CNTNAP3: variants seen among roughly 807,000 people sequenced by gnomAD.
The protein encoded by CNTNAP3 is contactin associated protein family member 3.
Under a neutral mutation model 92.1 loss-of-function variants are expected in CNTNAP3, and 36 were observed. That is an observed-to-expected ratio of 0.39 (90% CI 0.30 to 0.52). The LOEUF (loss-of-function observed/expected upper bound fraction) is 0.52. Among genes scored for constraint, CNTNAP3 ranks in the 20% least tolerant of loss-of-function variants. CNTNAP3 has a pLI of 0.76. For missense variants in CNTNAP3, 534 were observed against 1,069.6 expected (o/e 0.50, Z 6.98); for synonymous variants, 232 against 422.3 (o/e 0.55, Z 5.53).
intron 17 of CNTNAP3, among the ~76,000 whole-genome samples, chr9:39,101,576 A>G (rs189615475): frequency 7.0e-6 from 1 of 142,846 alleles, no homozygotes; most frequent in Admixed American, 6.8e-5. Flanking sequence ...ACCAGGTTAT[A>G]AACAAGGAGC....
chr9:39,138,542 G>C (rs556528120), intron 12 of CNTNAP3, among the ~76,000 whole-genome samples: 2 of 152,208 alleles, frequency 1.3e-5, no homozygotes, highest in African/African-American at 4.8e-5. Context: ...TTGTTAAGAA[G>C]AACAGAAAGC....
At chr9:39,140,036 T>G (rs57383919) in intron 12 of CNTNAP3, 1 of 154,102 alleles carries the variant, frequency 6.5e-6, no homozygotes, top group East Asian at 1.9e-4. Flanking sequence ...TGAGCCACCA[T>G]GCCCAGCCCA....
chr9:39,107,859 C>T (rs1297127562), intron 15 of CNTNAP3, among the ~76,000 whole-genome samples: 13 of 152,090 alleles, frequency 8.5e-5, no homozygotes, highest in Non-Finnish European at 1.3e-4. Flanking sequence ...CAGAATATTT[C>T]GGTCAAAATA....
intron 15 of CNTNAP3, among the ~76,000 whole-genome samples, chr9:39,105,231 T>C (rs1418448609): frequency 6.6e-6 from 1 of 152,104 alleles, no homozygotes; most frequent in Non-Finnish European, 1.5e-5. Flanking sequence ...ATCCAGACCA[T>C]CCTGGCTAAC....
chr9:39,142,939 G>A (rs1366022629), intron 11 of CNTNAP3, among the ~76,000 whole-genome samples: 2 of 151,882 alleles, frequency 1.3e-5, no homozygotes, highest in African/African-American at 4.8e-5. Context: ...GTTTCAATTA[G>A]GAACTCAGGA....
intron 12 of CNTNAP3, among the ~76,000 whole-genome samples, chr9:39,134,127 G>A (rs1821368649): frequency 6.6e-6 from 1 of 152,076 alleles, no homozygotes; most frequent in Non-Finnish European, 1.5e-5. Flanking sequence ...CAGCCTTACT[G>A]TTACTTACAC....
intron 18 of CNTNAP3, among the ~76,000 whole-genome samples, chr9:39,096,902 A>G (rs1049515394): frequency 2.7e-5 from 4 of 147,680 alleles, no homozygotes; most frequent in Non-Finnish European, 5.9e-5. Context: ...TCTGTATCTT[A>G]GATTAATGAT....
rs962508270 is a variant in CNTNAP3 at position 39,067,555 on chromosome 9, G to A, written c.*6335C>T. Among the ~76,000 whole-genome samples the A allele has an allele frequency of 1.3e-5, 2 of 152,294 alleles. No individual in the cohort carries two copies. The highest frequency in any genetic ancestry group is 2.4e-5 in the African/African-American group (1 of 41,488). ...TGGGACTTCAGGCGCCCAACACCAC[G>A]CCCGGCTAATTTTTGTATGTTTAGT... On this transcript the variant is annotated 3_prime_UTR_variant, in exon 24 of 24. Coordinates refer to ENST00000297668, the MANE Select transcript of CNTNAP3 (RefSeq NM_033655.5).
chr9:39,209,547 T>C (rs1822593596), intron 3 of CNTNAP3, among the ~76,000 whole-genome samples: 1 of 58,842 alleles, frequency 1.7e-5, no homozygotes, highest in Non-Finnish European at 3.3e-5. Context: ...GCCTCCAGCC[T>C]GGAGAAGGGT....
intron 18 of CNTNAP3, among the ~76,000 whole-genome samples, chr9:39,099,202 C>T (rs1826394703): frequency 6.6e-6 from 1 of 152,084 alleles, no homozygotes; most frequent in Admixed American, 6.6e-5. Context: ...GATCCGCCTG[C>T]CTTGGCCTCC....
chr9:39,082,425 T>G (rs940845497), intron 21 of CNTNAP3, among the ~76,000 whole-genome samples: 2 of 151,784 alleles, frequency 1.3e-5, no homozygotes, highest in African/African-American at 4.8e-5. Flanking sequence ...ATTTTACCAA[T>G]AAAGGACTAA....
chr9:39,126,348 A>C (rs1821152156), intron 13 of CNTNAP3, among the ~76,000 whole-genome samples: 1 of 152,216 alleles, frequency 6.6e-6, no homozygotes, highest in Non-Finnish European at 1.5e-5. Flanking sequence ...CAGATGATTC[A>C]CTGGTGAGTT....
rs1825554002 is a variant in CNTNAP3, at chr9:39,068,233, A to G, written c.*5657T>C. ...GCTAACACGGTGAAACCTTGCCTCCACTAAAAATACAAAAAAAAAAAAAAA... is the reference window on the plus strand; with the variant it reads ...GCTAACACGGTGAAACCTTGCCTCCGCTAAAAATACAAAAAAAAAAAAAAA... On this transcript the variant is annotated 3_prime_UTR_variant, in exon 24 of 24. Transcript: ENST00000297668. Among the ~76,000 whole-genome samples, 1 of 151,600 alleles carries G rather than the reference A, an allele frequency of 6.6e-6. No homozygotes were observed. The highest frequency in any genetic ancestry group is 2.4e-5 in the African/African-American group (1 of 41,314).
intron 23 of CNTNAP3, among the ~76,000 whole-genome samples, chr9:39,077,498 A>G (rs1825810162): frequency 6.6e-6 from 1 of 152,188 alleles, no homozygotes; most frequent in African/African-American, 2.4e-5. Context: ...CGGAGCTTGC[A>G]GTAAGTCGAG....
At chr9:39,148,742 G>C (rs1256737830) in intron 10 of CNTNAP3, among the ~76,000 whole-genome samples, 3 of 152,112 alleles carry the variant, frequency 2.0e-5, no homozygotes, top group Non-Finnish European at 4.4e-5. Context: ...AGCCAGGATG[G>C]TCTCGATCTC....
At chr9:39,137,682 T>G (rs552132428) in intron 12 of CNTNAP3, among the ~76,000 whole-genome samples, 1 of 151,830 alleles carries the variant, frequency 6.6e-6, no homozygotes, top group South Asian at 2.1e-4. Flanking sequence ...CCAGCTAATT[T>G]TTTTTGTATT....
rs570042849 is a variant in CNTNAP3 at position 39,128,077 on chromosome 9, G to A, written c.2080+4855C>T. Among the ~76,000 whole-genome samples the A allele has an allele frequency of 2.6e-5, 4 of 152,272 alleles. No individual in the cohort carries two copies. The East Asian group carries it at 7.7e-4, about 29-fold the overall frequency. Reference sequence around the variant, plus strand: ...AGGTCTCGAACTCCTGACCTCAAATGATCCATCTGCCTCAGCCTCCCACAG... The same window carrying A: ...AGGTCTCGAACTCCTGACCTCAAATAATCCATCTGCCTCAGCCTCCCACAG... On this transcript the variant is annotated intron_variant, in intron 13 of 23. Coordinates refer to ENST00000297668, the MANE Select transcript of CNTNAP3 (RefSeq NM_033655.5).
rs1310185359 is a variant in CNTNAP3, at chr9:39,112,421, A to G, written c.2238-3134T>C. Among the ~76,000 whole-genome samples the G allele has an allele frequency of 2.0e-5, 3 of 151,966 alleles. No individual in the cohort carries two copies. The East Asian group carries it at 5.8e-4, about 29-fold the overall frequency. ...ACTCTTGTCGCCCAGGTTGGAGTGC[A>G]ATGGTGTGATCTCTGCTCACTGCAA... On this transcript the variant is annotated intron_variant, in intron 14 of 23. Transcript: ENST00000297668.
In CNTNAP3 at chr9:39,070,968, G is replaced by A. The variant is rs1285020833; in HGVS notation, c.*2922C>T. Among the ~76,000 whole-genome samples, 1 of 152,226 alleles carries A rather than the reference G, an allele frequency of 6.6e-6. No individual in the cohort carries two copies. The highest frequency in any genetic ancestry group is 1.5e-5 in the Non-Finnish European group (1 of 68,016). ...TAATACTGGGAAGGCAGGAAGGTGG[G>A]CTTCTCTATGGATTGAAGTTAAGAG... On this transcript the variant is annotated 3_prime_UTR_variant, in exon 24 of 24. Coordinates refer to ENST00000297668, the MANE Select transcript of CNTNAP3 (RefSeq NM_033655.5).
Sources: gnomAD v4.1 joint callset for allele counts (sites outside exome capture counted in the v4.1 genomes callset) on GRCh38, gnomAD v4.1.1 for gene constraint, MANE v1.5 for transcripts, NCBI Gene and HGNC (gene_info 2026-07-23, HGNC 2026-07-21) for gene names.